Variants in RFFL observed in about 807,000 individuals in gnomAD.
The protein encoded by RFFL is ring finger and FYVE like domain containing E3 ubiquitin protein ligase, also known as E3 ubiquitin-protein ligase rififylin.
RFFL carries 16 observed loss-of-function variants against 40.4 expected under a neutral mutation model. The ratio of observed to expected loss-of-function variants is 0.40; its 90% confidence interval spans 0.27 to 0.60. The LOEUF (loss-of-function observed/expected upper bound fraction) is 0.60, where lower values mean the gene tolerates loss of function less well. RFFL is among the 20% of genes least tolerant of loss of function. RFFL has a pLI of 0.47. For synonymous variants in RFFL, 154 were observed against 167.9 expected (o/e 0.92, Z 0.64); for missense variants, 367 against 451.7 (o/e 0.81, Z 1.70).
chr17:35,015,816 T>C (rs912171754), intron 5 of RFFL, among the ~76,000 whole-genome samples: 8 of 152,324 alleles, frequency 5.3e-5, no homozygotes, highest in Admixed American at 2.0e-4. Context: ...GTAATGAAGA[T>C]ATGAGGTATT....
At chr17:35,054,440 ATC>A (rs1233071088) in intron 1 of RFFL, among the ~76,000 whole-genome samples, 1 of 152,230 alleles carries the variant, frequency 6.6e-6, no homozygotes, top group Non-Finnish European at 1.5e-5. Flanking sequence ...ATGGAGGCAC[ATC>A]TCATACATGT....
intron 1 of RFFL, among the ~76,000 whole-genome samples, chr17:35,085,082 T>C (rs1013083870): frequency 2.6e-5 from 4 of 152,310 alleles, no homozygotes; most frequent in South Asian, 4.1e-4. Flanking sequence ...GAAGTGGGGC[T>C]GGGAAATCTG....
At chr17:35,075,790 C>G (rs183358156) in intron 1 of RFFL, among the ~76,000 whole-genome samples, 2 of 152,166 alleles carry the variant, frequency 1.3e-5, no homozygotes, top group East Asian at 3.9e-4. Flanking sequence ...CAAAAGGCTT[C>G]TAAAAAGCAA....
intron 1 of RFFL, chr17:35,069,763 A>T (rs1231268369): frequency 6.5e-6 from 1 of 153,354 alleles, no homozygotes; most frequent in Non-Finnish European, 1.5e-5. Flanking sequence ...AAATAAAGCT[A>T]AAACCTTATT....
intron 1 of RFFL, among the ~76,000 whole-genome samples, chr17:35,060,598 C>T (rs1228113569): frequency 3.3e-5 from 5 of 152,154 alleles, no homozygotes; most frequent in South Asian, 2.1e-4. Flanking sequence ...ATAAAAATGT[C>T]GTGATATTGC....
intron 1 of RFFL, among the ~76,000 whole-genome samples, chr17:35,027,440 C>T (rs939475621): frequency 1.3e-5 from 2 of 152,128 alleles, no homozygotes; most frequent in East Asian, 3.9e-4. Context: ...AAGAAGTGTT[C>T]GGAGCCAGGC....
chr17:35,069,282 A>C, intron 1 of RFFL: 1 of 456,702 alleles, frequency 2.2e-6, no homozygotes, highest in Non-Finnish European at 4.4e-6. Context: ...TAATGCCCCA[A>C]GATTAACTTA....
intron 1 of RFFL, among the ~76,000 whole-genome samples, chr17:35,070,643 A>G (rs1402686035): frequency 6.6e-6 from 1 of 152,172 alleles, no homozygotes; most frequent in African/African-American, 2.4e-5. Context: ...TTATTTGTCT[A>G]TGGGCAGTAC....
chr17:35,032,685 C>T (rs181215772), intron 1 of RFFL, among the ~76,000 whole-genome samples: 56 of 152,000 alleles, frequency 3.7e-4, no homozygotes, highest in African/African-American at 5.6e-4. Flanking sequence ...ACTGGAAGTA[C>T]GTAAAGCCAG....
intron 1 of RFFL, among the ~76,000 whole-genome samples, chr17:35,032,686 G>A (rs1407143435): frequency 4.6e-5 from 7 of 152,124 alleles, no homozygotes; most frequent in East Asian, 3.9e-4. Context: ...CTGGAAGTAC[G>A]TAAAGCCAGA....
At chr17:35,039,222 T>G (rs977271444) in intron 1 of RFFL, among the ~76,000 whole-genome samples, 19 of 151,434 alleles carry the variant, frequency 1.3e-4, no homozygotes, top group Admixed American at 9.2e-4. Flanking sequence ...GACAGATTTT[T>G]TTCTTTTCTT....
chr17:35,016,753 A>C (rs1435685076), intron 4 of RFFL, among the ~76,000 whole-genome samples, 173 bp from the exon 5 acceptor site: 1 of 152,022 alleles, frequency 6.6e-6, no homozygotes, highest in Non-Finnish European at 1.5e-5. Context: ...AATATACTAG[A>C]ATCTCTTCCT....
upstream of RFFL, among the ~76,000 whole-genome samples, chr17:35,066,082 C>T (rs1360800314): frequency 6.6e-6 from 1 of 152,166 alleles, no homozygotes; most frequent in Non-Finnish European, 1.5e-5. Flanking sequence ...GAGATTGCGC[C>T]ACTGCAATCC....
rs185984485 is a variant in RFFL, at chr17:35,085,267, A to G, written c.-9+3838T>C. 1.9e-3 allele frequency among the ~76,000 whole-genome samples: 292 copies of G among 152,332 alleles called. 1 individual carries two copies. The highest frequency in any genetic ancestry group is 6.6e-3 in the African/African-American group (273 of 41,578). On this transcript the variant is annotated intron_variant, in intron 1 of 6. Coordinates refer to the RFFL transcript ENST00000315249. ...GATTCAGGAGACTTCAGGATCTCCCATTACCACTAGGTTATCATTTACTAC... is the reference window on the plus strand; with the variant it reads ...GATTCAGGAGACTTCAGGATCTCCCGTTACCACTAGGTTATCATTTACTAC...
chr17:35,014,433 G>A (rs1005259746), intron 6 of RFFL, among the ~76,000 whole-genome samples: 1 of 152,178 alleles, frequency 6.6e-6, no homozygotes, highest in Non-Finnish European at 1.5e-5. Context: ...AATGAGCTGA[G>A]TGTGATACAT....
At chr17:35,054,393 G>C (rs1480010652) in intron 1 of RFFL, among the ~76,000 whole-genome samples, 1 of 152,114 alleles carries the variant, frequency 6.6e-6, no homozygotes, top group African/African-American at 2.4e-5. Context: ...TCCCACATCA[G>C]ATGGGTAATG....
intron 3 of RFFL, among the ~76,000 whole-genome samples, chr17:35,020,519 C>T (rs1419663787): frequency 2.0e-5 from 3 of 151,336 alleles, no homozygotes; most frequent in Admixed American, 6.6e-5. Context: ...CCAAAACCAA[C>T]GCACCCCAGT....
At chr17:35,077,750 T>G (rs2091384234) in intron 1 of RFFL, among the ~76,000 whole-genome samples, 1 of 152,190 alleles carries the variant, frequency 6.6e-6, no homozygotes, top group East Asian at 1.9e-4. Context: ...CCAACACAAA[T>G]TCATAAACTT....
chr17:35,017,102 T>A (rs536009580), intron 4 of RFFL, among the ~76,000 whole-genome samples: 1 of 152,098 alleles, frequency 6.6e-6, no homozygotes, highest in African/African-American at 2.4e-5. Context: ...CAAGTACTCC[T>A]CTATACACAA....
Sources: gnomAD v4.1 joint callset for allele counts (sites outside exome capture counted in the v4.1 genomes callset) on GRCh38, gnomAD v4.1.1 for gene constraint, MANE v1.5 for transcripts, NCBI Gene and HGNC (gene_info 2026-07-23, HGNC 2026-07-21) for gene names.